SPAG9: variants seen among roughly 807,000 people sequenced by gnomAD.
The protein encoded by SPAG9 is sperm associated antigen 9, also known as C-Jun-amino-terminal kinase-interacting protein 4.
SPAG9 carries 35 observed loss-of-function variants against 166.5 expected under a neutral mutation model. The ratio of observed to expected loss-of-function variants is 0.21; its 90% CI spans 0.16 to 0.28. SPAG9 has a LOEUF of 0.28. Among genes scored for constraint, SPAG9 ranks in the 10% least tolerant of loss-of-function variants. SPAG9 has a pLI of 1.00. For missense variants in SPAG9, 1,235 were observed against 1,603.3 expected (o/e 0.77, Z 3.92); for synonymous variants, 534 against 565.5 (o/e 0.94, Z 0.79).
intron 1 of SPAG9, among the ~76,000 whole-genome samples, chr17:51,115,685 C>T (rs1179570958): frequency 6.6e-6 from 1 of 151,970 alleles, no homozygotes; most frequent in Non-Finnish European, 1.5e-5. Context: ...ACAAAATTAG[C>T]CAGGCGTGGT....
At chr17:51,118,432 T>C (rs1210722536) in intron 1 of SPAG9, among the ~76,000 whole-genome samples, 1 of 152,228 alleles carries the variant, frequency 6.6e-6, no homozygotes, top group Non-Finnish European at 1.5e-5. Context: ...GATGGTTTTC[T>C]TGGCACGTGT....
chr17:51,060,079 G>C (rs1234592864), intron 2 of SPAG9, among the ~76,000 whole-genome samples: 1 of 152,028 alleles, frequency 6.6e-6, no homozygotes, highest in Non-Finnish European at 1.5e-5. Flanking sequence ...AACACTCTTT[G>C]CTTCCCATCC....
At chr17:51,104,911 C>T (rs1321546162) in intron 1 of SPAG9, among the ~76,000 whole-genome samples, 6 of 128,562 alleles carry the variant, frequency 4.7e-5, no homozygotes, top group Non-Finnish European at 8.0e-5. Flanking sequence ...CCAGCCTGGG[C>T]GACAGAGCGA....
intron 2 of SPAG9, among the ~76,000 whole-genome samples, chr17:51,058,251 C>T (rs1402006105): frequency 1.3e-5 from 2 of 152,170 alleles, no homozygotes; most frequent in African/African-American, 4.8e-5. Context: ...ATCACCAACA[C>T]CACCACTACT....
intron 1 of SPAG9, among the ~76,000 whole-genome samples, chr17:51,083,774 C>T: frequency 6.6e-6 from 1 of 151,774 alleles, no homozygotes; most frequent in East Asian, 1.9e-4. Flanking sequence ...GGTTCTTAAT[C>T]ATTAGGGGGT....
intron 16 of SPAG9, 188 bp downstream of exon 16, chr17:50,996,377 T>C: frequency 1.6e-6 from 1 of 623,052 alleles, no homozygotes; most frequent in Non-Finnish European, 2.7e-6. Flanking sequence ...ACTCAGAGCA[T>C]TTCATTTGAG....
chr17:51,085,409 T>C (rs1229286806), intron 1 of SPAG9: 4 of 152,222 alleles, frequency 2.6e-5, no homozygotes, highest in African/African-American at 9.6e-5. Flanking sequence ...AGACCTACCT[T>C]TGTGGAATGA....
intron 14 of SPAG9, 21 bp downstream of exon 14, chr17:50,999,640 T>A: frequency 6.2e-7 from 1 of 1,601,960 alleles, no homozygotes; most frequent in South Asian, 1.1e-5. Context: ...CTGTCTAACA[T>A]CTTTGTTTTT....
At chr17:51,101,873 C>T (rs573926648) in intron 1 of SPAG9, among the ~76,000 whole-genome samples, 1 of 152,226 alleles carries the variant, frequency 6.6e-6, no homozygotes, top group African/African-American at 2.4e-5. Flanking sequence ...GATCTGCCCT[C>T]CTTGGCCTCC....
chr17:51,106,967 C>T (rs747141507), intron 1 of SPAG9, among the ~76,000 whole-genome samples: 54 of 150,570 alleles, frequency 3.6e-4, no homozygotes, highest in Admixed American at 1.5e-3. Flanking sequence ...CCAAGCATGG[C>T]GGTGCACGCC....
chr17:50,972,653 A>G (rs1973912192), intron 28 of SPAG9, among the ~76,000 whole-genome samples: 1 of 152,264 alleles, frequency 6.6e-6, no homozygotes, highest in South Asian at 2.1e-4. Flanking sequence ...TCCAGGAGCT[A>G]GCTGGACAGC....
At position 51,021,153 on chromosome 17, in the gene SPAG9, C is replaced by T; in HGVS notation, c.991+5G>A. 6.2e-7 allele frequency: 1 copy of T among 1,611,362 alleles called. No individual in the cohort carries two copies. Among genetic ancestry groups the T allele is most frequent in the Non-Finnish European group, 8.5e-7 (1 of 1,177,612 alleles). On this transcript the variant is annotated splice_donor_5th_base_variant and intron_variant, in intron 7 of 29. Coordinates refer to ENST00000262013, the MANE Select transcript of SPAG9 (RefSeq NM_001130528.3). The stretch of plus-strand genomic sequence containing the variant: ...CCTAGTAAGTAAAGAACTAGGGTCA[C>T]TCACCAGTAGATACATTTCTAGTTT...
At chr17:51,017,251 T>A (rs2045737047) in intron 8 of SPAG9, among the ~76,000 whole-genome samples, 3 of 152,206 alleles carry the variant, frequency 2.0e-5, no homozygotes, top group Non-Finnish European at 4.4e-5. Context: ...TAATTCATTA[T>A]ATACAAGAGA....
intron 3 of SPAG9, among the ~76,000 whole-genome samples, chr17:51,048,505 G>A (rs537213059): frequency 3.3e-5 from 5 of 151,206 alleles, no homozygotes; most frequent in African/African-American, 9.7e-5. Flanking sequence ...AATTCTTAAC[G>A]CTGTACATAG....
intron 5 of SPAG9, among the ~76,000 whole-genome samples, chr17:51,034,249 C>T (rs2046495334): frequency 6.6e-6 from 1 of 152,254 alleles, no homozygotes; most frequent in Middle Eastern, 3.4e-3. Flanking sequence ...AGTAGGCACA[C>T]TAATACAAAA....
chr17:51,009,256 C>A, intron 9 of SPAG9: 4 of 402,232 alleles, frequency 9.9e-6, no homozygotes, highest in East Asian at 7.4e-5. Context: ...AAGAAATTGA[C>A]AAGATGTAGA....
intron 2 of SPAG9, among the ~76,000 whole-genome samples, chr17:51,063,455 C>T (rs141138149): frequency 6.6e-6 from 1 of 151,472 alleles, no homozygotes; most frequent in East Asian, 1.9e-4. Flanking sequence ...TCTATCTTTT[C>T]GCTAAGTTTT....
At chr17:51,105,855 G>A (rs531269312) in intron 1 of SPAG9, among the ~76,000 whole-genome samples, 6 of 151,752 alleles carry the variant, frequency 4.0e-5, no homozygotes, top group Non-Finnish European at 8.8e-5. Context: ...GGGCGACAGA[G>A]CAGGCTGTCT....
intron 28 of SPAG9, among the ~76,000 whole-genome samples, chr17:50,972,625 A>C (rs552490601): frequency 6.6e-6 from 1 of 152,236 alleles, no homozygotes; most frequent in Non-Finnish European, 1.5e-5. Context: ...CCTTTGGTCA[A>C]ACTACACAGA....
Sources: allele counts gnomAD v4.1 joint callset (sites outside exome capture counted in the v4.1 genomes callset), GRCh38; gene constraint gnomAD v4.1.1; transcripts MANE v1.5; gene names NCBI Gene and HGNC (gene_info 2026-07-23, HGNC 2026-07-21).